Variants in PRKX observed in about 807,000 individuals in gnomAD.
PRKX encodes cAMP-dependent protein kinase catalytic subunit PRKX.
In PRKX, 12 loss-of-function variants were observed where a neutral mutation model predicts 22.0. The observed-to-expected ratio is 0.54, with a 90% CI of 0.35 to 0.88. The LOEUF is 0.88. PRKX is among the 40% of genes least tolerant of loss of function. PRKX has a pLI of 0.01. For missense variants in PRKX, 217 were observed against 308.0 expected (o/e 0.70, Z 2.21); for synonymous variants, 134 against 137.7 (o/e 0.97, Z 0.19).
chrX:3,639,000 A>C (rs756128608), intron 4 of PRKX, among the ~76,000 whole-genome samples: 2 of 94,838 alleles, frequency 2.1e-5, no homozygotes, highest in South Asian at 1.2e-3. Flanking sequence ...ATGGATATAT[A>C]AATATATAAA....
intron 1 of PRKX, among the ~76,000 whole-genome samples, chrX:3,693,939 C>CAAAAAAAAAAAA (rs1230845031): frequency 9.1e-5 from 3 of 33,058 alleles, no homozygotes; most frequent in Non-Finnish European, 1.2e-4. Flanking sequence ...GACTCCGTCT[C>CAAAAAAAAAAAA]AAAAAAAAAA....
intron 4 of PRKX, among the ~76,000 whole-genome samples, chrX:3,638,672 G>C (rs1045045890): frequency 3.0e-4 from 33 of 111,531 alleles, no homozygotes; most frequent in African/African-American, 1.0e-3. Flanking sequence ...CAGGCCGGTA[G>C]GTAGGTAGAT....
At chrX:3,690,119 T>C (rs1453588639) in intron 1 of PRKX, among the ~76,000 whole-genome samples, 2 of 112,615 alleles carry the variant, frequency 1.8e-5, no homozygotes, top group Non-Finnish European at 3.7e-5. Flanking sequence ...AAAGAATGTA[T>C]GCTTTGGATA....
At chrX:3,708,692 C>T (rs1216075901) in intron 1 of PRKX, among the ~76,000 whole-genome samples, 1 of 109,192 alleles carries the variant, frequency 9.2e-6, no homozygotes, top group Admixed American at 9.8e-5. Flanking sequence ...TGGAGAAACC[C>T]CATCTCTACT....
chrX:3,690,111 A>G (rs975898217), intron 1 of PRKX, among the ~76,000 whole-genome samples: 11 of 112,625 alleles, frequency 9.8e-5, no homozygotes, highest in Non-Finnish European at 1.7e-4. Flanking sequence ...ACTTTAGAAA[A>G]GAATGTATGC....
intron 1 of PRKX, among the ~76,000 whole-genome samples, chrX:3,692,335 A>C (rs1928347774): frequency 9.1e-6 from 1 of 109,965 alleles, no homozygotes; most frequent in Admixed American, 9.7e-5. Flanking sequence ...AACTGTCCCC[A>C]GACACTGTCA....
chrX:3,673,774 T>C (rs894420299), intron 2 of PRKX, among the ~76,000 whole-genome samples: 2 of 111,054 alleles, frequency 1.8e-5, no homozygotes, highest in East Asian at 5.7e-4. Context: ...CAAATCCCTA[T>C]GTTGGATCCT....
At chrX:3,648,437 C>A (rs1447029823) in intron 3 of PRKX, among the ~76,000 whole-genome samples, 5 of 106,652 alleles carry the variant, frequency 4.7e-5, no homozygotes, top group African/African-American at 1.7e-4. Context: ...CACTGAAGTT[C>A]TTTTTTAAAG....
intron 1 of PRKX, among the ~76,000 whole-genome samples, chrX:3,681,284 C>T (rs1486458496): frequency 2.9e-5 from 3 of 105,218 alleles, no homozygotes; most frequent in Non-Finnish European, 5.9e-5. Flanking sequence ...CTCAAGAGGC[C>T]GAAGCAGGAG....
At chrX:3,624,596 T>C (rs1425332285) in intron 5 of PRKX, among the ~76,000 whole-genome samples, 5 of 110,362 alleles carry the variant, frequency 4.5e-5, no homozygotes, top group Non-Finnish European at 9.5e-5. Flanking sequence ...CCCATATATA[T>C]ATATAATTAT....
chrX:3,681,811 A>G (rs1441720519), intron 1 of PRKX, among the ~76,000 whole-genome samples: 1 of 110,054 alleles, frequency 9.1e-6, no homozygotes, highest in African/African-American at 3.3e-5. Flanking sequence ...AAGCCCAGCA[A>G]ACCCTAAATC....
In PRKX at chrX:3,607,661, A is replaced by G. The variant is rs1926206092; in HGVS notation, c.*1308T>C. Reference sequence around the variant, plus strand: ...AAGGGTGGCTATGTTCTGTTTCTGTAATTTCACTGTTTTAACATCTTTTTT... The same window carrying G: ...AAGGGTGGCTATGTTCTGTTTCTGTGATTTCACTGTTTTAACATCTTTTTT... On this transcript the variant is annotated 3_prime_UTR_variant, in exon 9 of 9. Transcript: ENST00000262848. 9.1e-6 allele frequency: 1 copy of G among 110,321 alleles called. No individual in the cohort carries two copies. Among genetic ancestry groups the G allele is most frequent in the South Asian group, 3.8e-4 (1 of 2,604 alleles). The allele number at this position is 110,321 out of a possible 1,213,427, so 9.1% of individuals were successfully genotyped here.
At chrX:3,626,644 C>A (rs1926664935) in intron 4 of PRKX, 130 bp from the exon 5 acceptor site, 2 of 544,560 alleles carry the variant, frequency 3.7e-6, no homozygotes, top group Non-Finnish European at 6.2e-6. Flanking sequence ...TCCCCGCACA[C>A]TGAAGTTGTC....
intron 2 of PRKX, among the ~76,000 whole-genome samples, chrX:3,659,722 T>TGG (rs1370339855): frequency 4.7e-4 from 12 of 25,656 alleles, no homozygotes; most frequent in Non-Finnish European, 7.4e-4. Context: ...TTTTTGTTTT[T>TGG]TTTTTTGTTT....
At position 3,655,412 on chromosome X, in the gene PRKX, C is replaced by A; in HGVS notation, c.336G>T (p.Leu112=). The change falls in exon 3 of 9, where the codon CTG becomes CTT. Residue 112 remains leucine (L), a splice_region_variant and synonymous_variant. Coordinates refer to ENST00000262848, the MANE Select transcript of PRKX (RefSeq NM_005044.5). ...AGCGCTCGTCATGCCACGTCCAGAA[C>A]CTGCGGGGACAGACAGCACATGCTC... ...KEVSHPFLIR[L]FWTWHDERFL... is the part of the protein sequence containing the mutation. 1 of 1,212,049 alleles carries A rather than the reference C, an allele frequency of 8.3e-7. No homozygotes were observed. The highest frequency in any genetic ancestry group is 1.1e-6 in the Non-Finnish European group (1 of 895,593).
chrX:3,620,351 T>C (rs1335468678), intron 6 of PRKX, among the ~76,000 whole-genome samples: 1 of 112,445 alleles, frequency 8.9e-6, no homozygotes, highest in East Asian at 2.8e-4. Flanking sequence ...TTACATTTTG[T>C]ACAATTCCAT....
intron 4 of PRKX, among the ~76,000 whole-genome samples, chrX:3,628,818 G>A (rs188264917): frequency 0.026 from 2,844 of 111,091 alleles, 43 homozygotes; most frequent in Non-Finnish European, 0.04. Flanking sequence ...AGGCAGGCAG[G>A]TCACTTTAGG....
At chrX:3,631,019 T>G (rs1169394514) in intron 4 of PRKX, among the ~76,000 whole-genome samples, 1 of 112,446 alleles carries the variant, frequency 8.9e-6, no homozygotes, top group Non-Finnish European at 1.9e-5. Flanking sequence ...TCCATTTAGC[T>G]TCTTTTGACT....
At chrX:3,698,946 C>A (rs1031272089) in intron 1 of PRKX, among the ~76,000 whole-genome samples, 7 of 106,766 alleles carry the variant, frequency 6.6e-5, no homozygotes, top group Non-Finnish European at 9.6e-5. Context: ...ACTCGCCCAC[C>A]ATCCCACAAC....
Sources: allele counts gnomAD v4.1 joint callset (sites outside exome capture counted in the v4.1 genomes callset), GRCh38; gene constraint gnomAD v4.1.1; transcripts MANE v1.5; gene names NCBI Gene and HGNC (gene_info 2026-07-23, HGNC 2026-07-21).